The following RNF10 variants were observed in gnomAD, a reference collection of about 807,000 sequenced individuals.
The protein encoded by RNF10 is E3 ubiquitin-protein ligase RNF10.
In RNF10, 38 loss-of-function variants were observed where a neutral mutation model predicts 91.4. The observed-to-expected ratio is 0.42, with a 90% CI of 0.32 to 0.54. The LOEUF is 0.54. RNF10 is among the 20% of genes least tolerant of loss of function. RNF10 has a pLI of 0.16. For synonymous variants in RNF10, 364 were observed against 366.3 expected (o/e 0.99, Z 0.07); for missense variants, 945 against 1,012.0 (o/e 0.93, Z 0.90).
chr12:120,563,166 GA>G, intron 8 of RNF10, 96 bp downstream of exon 8: 1 of 1,566,566 alleles, frequency 6.4e-7, no homozygotes, highest in East Asian at 2.2e-5. Context: ...CTCAAGAGAA[GA>G]GGGGACAATG....
At chr12:120,575,252 G>A in intron 14 of RNF10, 1 of 208,952 alleles carries the variant, frequency 4.8e-6, no homozygotes, top group Non-Finnish European at 9.7e-6. Context: ...AAAACTGGAG[G>A]GTACTACTCA....
chr12:120,575,839 A>G lies in RNF10; in HGVS notation c.2248A>G (p.Ser750Gly), dbSNP rs1466815951. The G allele has an allele frequency of 1.2e-6, 2 of 1,614,146 alleles. No individual in the cohort carries two copies. Among genetic ancestry groups the G allele is most frequent in the Admixed American group, 1.7e-5 (1 of 60,006 alleles). The change falls in exon 16 of 17, where the codon AGT becomes GGT. Residue 750 changes from serine to glycine, a missense_variant. Coordinates refer to ENST00000325954, the MANE Select transcript of RNF10 (RefSeq NM_014868.5). ...TGCCCCTGTGGACAGCGACGGGGAGAGTGATAATTCAGACCGTGTTCCTGT... is the reference window on the plus strand; with the variant it reads ...TGCCCCTGTGGACAGCGACGGGGAGGGTGATAATTCAGACCGTGTTCCTGT... ...PPAPVDSDGE[S>G]DNSDRVPVPS... is the part of the protein sequence containing the mutation.
chr12:120,538,173 G>A (rs1871105954), intron 1 of RNF10, among the ~76,000 whole-genome samples: 1 of 152,170 alleles, frequency 6.6e-6, no homozygotes, highest in South Asian at 2.1e-4. Flanking sequence ...CAAGCGTAAG[G>A]TGAAAAGATA....
At chr12:120,558,567 G>GTATA (rs34444083) in intron 6 of RNF10, among the ~76,000 whole-genome samples, 4 of 147,688 alleles carry the variant, frequency 2.7e-5, no homozygotes, top group Non-Finnish European at 4.5e-5. Flanking sequence ...AATATAATAT[G>GTATA]TATATATATA....
rs140008777 is a variant in RNF10, at chr12:120,546,200, G to C, written c.158-205G>C. On this transcript the variant is annotated intron_variant, in intron 1 of 16. Coordinates refer to ENST00000325954, the MANE Select transcript of RNF10 (RefSeq NM_014868.5). Reference sequence around the variant, plus strand: ...ACGCTGTGTTTGTTTTGAGGGAGGGGACCCGTTAGGCTTCATTATTGCAAG... The same window carrying C: ...ACGCTGTGTTTGTTTTGAGGGAGGGCACCCGTTAGGCTTCATTATTGCAAG... Among the ~76,000 whole-genome samples, 65 of 152,110 alleles carry C rather than the reference G, an allele frequency of 4.3e-4. 1 individual carries two copies. Among genetic ancestry groups the C allele is most frequent in the African/African-American group, 1.4e-3 (57 of 41,470 alleles).
intron 4 of RNF10, among the ~76,000 whole-genome samples, chr12:120,556,638 AAATG>A (rs1194908209): frequency 6.6e-6 from 1 of 152,000 alleles, no homozygotes; most frequent in Non-Finnish European, 1.5e-5. Context: ...TATTAAAAAA[AAATG>A]AAGTCTTTTT....
At chr12:120,539,689 A>AC (rs1360340730) in intron 1 of RNF10, among the ~76,000 whole-genome samples, 1 of 152,140 alleles carries the variant, frequency 6.6e-6, no homozygotes, top group Non-Finnish European at 1.5e-5. Flanking sequence ...GAAATGTGGA[A>AC]CAACTGAGAA....
rs548354093 is a variant in RNF10, at chr12:120,542,260, C to G, written c.158-4145C>G. ...ACCGCAGCCTCAACCTTGGCTTAAG[C>G]AATCCTTCCAACTCAGCCTCTCAGC... On this transcript the variant is annotated intron_variant, in intron 1 of 16. Transcript: ENST00000325954. Among the ~76,000 whole-genome samples the G allele has an allele frequency of 3.3e-5, 5 of 152,228 alleles. No homozygotes were observed. In the East Asian group the frequency reaches 5.8e-4, roughly 18 times the overall value.
At chr12:120,545,341 C>G (rs1444949627) in intron 1 of RNF10, among the ~76,000 whole-genome samples, 20 of 142,302 alleles carry the variant, frequency 1.4e-4, no homozygotes, top group African/African-American at 3.1e-4. Context: ...GCCACCATGC[C>G]CGGCTAATTT....
chr12:120,550,462 T>A (rs77387369), intron 2 of RNF10, among the ~76,000 whole-genome samples: 4,538 of 152,238 alleles, frequency 0.03, 235 homozygotes, highest in African/African-American at 0.1. Flanking sequence ...TTTGGGGCAT[T>A]AAGGGTGGAA....
At chr12:120,550,378 G>A (rs1301281321) in intron 2 of RNF10, among the ~76,000 whole-genome samples, 1 of 152,064 alleles carries the variant, frequency 6.6e-6, no homozygotes, top group Non-Finnish European at 1.5e-5. Flanking sequence ...GGGCCAGCTA[G>A]GACAAGCTGA....
intron 1 of RNF10, among the ~76,000 whole-genome samples, chr12:120,542,881 C>T (rs190796793): frequency 3.4e-4 from 52 of 152,216 alleles, no homozygotes; most frequent in African/African-American, 1.2e-3. Flanking sequence ...GGTCACTGTC[C>T]GTAAGCAGGA....
chr12:120,570,019 A>T (rs111482782), intron 13 of RNF10, among the ~76,000 whole-genome samples: 3,633 of 151,794 alleles, frequency 0.024, 68 homozygotes, highest in Middle Eastern at 0.062. Context: ...CAGCCTCCTG[A>T]GTAGCTGTGT....
In RNF10 at chr12:120,560,833, G is replaced by A; in HGVS notation, c.1075G>A (p.Glu359Lys). 2 of 1,614,154 alleles carry A rather than the reference G, an allele frequency of 1.2e-6. No homozygotes were observed. The highest frequency in any genetic ancestry group is 1.7e-6 in the Non-Finnish European group (2 of 1,180,032). The change falls in exon 7 of 17, where the codon GAG becomes AAG. Residue 359 changes from glutamate to lysine, a missense_variant. Transcript: ENST00000325954. The stretch of plus-strand genomic sequence containing the variant: ...AGCACTAGAGCAGCAGCTGGCAGAG[G>A]AGAAGCACACTCCCGAGTCCTGCTT... The part of the protein sequence containing the change: ...KVALEQQLAE[E>K]KHTPESCFIE...
intron 1 of RNF10, among the ~76,000 whole-genome samples, chr12:120,538,161 A>G (rs1238356111): frequency 6.6e-6 from 1 of 152,224 alleles, no homozygotes; most frequent in Non-Finnish European, 1.5e-5. Flanking sequence ...TTGAGGGGAA[A>G]ACAAGCGTAA....
chr12:120,553,083 T>C, intron 3 of RNF10, among the ~76,000 whole-genome samples: 1 of 29,934 alleles, frequency 3.3e-5, no homozygotes, highest in Non-Finnish European at 5.8e-5. Context: ...TTTTTTTTTT[T>C]TTTTTTTTTT....
intron 14 of RNF10, among the ~76,000 whole-genome samples, chr12:120,574,284 C>CT (rs1877076968): frequency 6.6e-6 from 1 of 152,246 alleles, no homozygotes; most frequent in African/African-American, 2.4e-5. Flanking sequence ...GGCATCCCTG[C>CT]TTGAACCCCA....
At chr12:120,558,886 G>C (rs1185196219) in intron 6 of RNF10, among the ~76,000 whole-genome samples, 1 of 151,370 alleles carries the variant, frequency 6.6e-6, no homozygotes, top group Non-Finnish European at 1.5e-5. Flanking sequence ...ACCACTTTTA[G>C]TGTCCACAGA....
At chr12:120,553,692 G>A (rs756044100) in intron 3 of RNF10, among the ~76,000 whole-genome samples, 1 of 150,360 alleles carries the variant, frequency 6.7e-6, no homozygotes, top group Non-Finnish European at 1.5e-5. Flanking sequence ...CGTGAGCCAC[G>A]GCACCCAACC....
Sources: gnomAD v4.1 joint callset for allele counts (sites outside exome capture counted in the v4.1 genomes callset) on GRCh38, gnomAD v4.1.1 for gene constraint, MANE v1.5 for transcripts, NCBI Gene and HGNC (gene_info 2026-07-23, HGNC 2026-07-21) for gene names.